The following ZFHX3 variants were observed in gnomAD, a reference collection of about 807,000 sequenced individuals.
The protein encoded by ZFHX3 is zinc finger homeobox 3.
ZFHX3 carries 42 observed loss-of-function variants against 279.1 expected under a neutral mutation model. The observed-to-expected ratio is 0.15, with a 90% CI of 0.12 to 0.19. ZFHX3 has a LOEUF of 0.19. ZFHX3 is among the 10% of genes least tolerant of loss of function. The pLI, the probability that ZFHX3 is intolerant of heterozygous loss-of-function variation, is 1.00. For missense variants in ZFHX3, 4,981 were observed against 4,754.0 expected (o/e 1.05, Z -1.40); for synonymous variants, 2,293 against 1,957.8 (o/e 1.17, Z -4.52).
chr16:73,792,970 T>C (rs1959878828), intron 1 of ZFHX3, among the ~76,000 whole-genome samples: 1 of 150,854 alleles, frequency 6.6e-6, no homozygotes, highest in Non-Finnish European at 1.5e-5. Context: ...ATTCCCAGAA[T>C]GTTCGCTTCT....
intron 2 of ZFHX3, among the ~76,000 whole-genome samples, chr16:73,651,577 C>G (rs1047469144): frequency 3.3e-5 from 5 of 150,734 alleles, no homozygotes; most frequent in African/African-American, 1.2e-4. Context: ...GTGGCTCACG[C>G]CTGTAATCCA....
At chr16:72,847,772 G>C (rs2053766880) in intron 4 of ZFHX3, among the ~76,000 whole-genome samples, 1 of 152,058 alleles carries the variant, frequency 6.6e-6, no homozygotes, top group Admixed American at 6.5e-5. Flanking sequence ...TAAGCGATGG[G>C]CGAAGACATA....
At chr16:73,126,683 A>T (rs143937048) in intron 7 of ZFHX3, 13 of 152,294 alleles carry the variant, frequency 8.5e-5, no homozygotes, top group African/African-American at 3.1e-4. Context: ...CTCCTGGTAA[A>T]TTTCACTTGT....
intron 3 of ZFHX3, among the ~76,000 whole-genome samples, chr16:73,366,588 CAAA>C (rs61090242): frequency 0.12 from 15,123 of 121,786 alleles, 2,596 homozygotes; most frequent in African/African-American, 0.39. Context: ...AAACCAAAAC[CAAA>C]AAAAAAAAAA....
intron 1 of ZFHX3, among the ~76,000 whole-genome samples, chr16:73,018,126 C>T (rs1964169615): frequency 6.6e-6 from 1 of 151,882 alleles, no homozygotes; most frequent in African/African-American, 2.4e-5. Context: ...GCTGGGACTA[C>T]AGGCATGCGC....
intron 1 of ZFHX3, among the ~76,000 whole-genome samples, chr16:72,993,022 A>C (rs1325615417): frequency 6.6e-6 from 1 of 152,240 alleles, no homozygotes; most frequent in Non-Finnish European, 1.5e-5. Flanking sequence ...CTGTAATCCC[A>C]GCTACTCCCA....
chr16:73,808,914 A>T (rs924760143), intron 1 of ZFHX3, among the ~76,000 whole-genome samples: 3 of 152,246 alleles, frequency 2.0e-5, no homozygotes, highest in Non-Finnish European at 4.4e-5. Context: ...CCAGAAGTTT[A>T]AGAGTCACAG....
chr16:73,288,643 G>A (rs1322473761), intron 4 of ZFHX3, among the ~76,000 whole-genome samples: 1 of 151,936 alleles, frequency 6.6e-6, no homozygotes, highest in African/African-American at 2.4e-5. Context: ...CCTATTTGTC[G>A]CCCCCAAACT....
chr16:73,633,143 CA>C (rs2052493464), intron 2 of ZFHX3, among the ~76,000 whole-genome samples: 1 of 152,198 alleles, frequency 6.6e-6, no homozygotes, highest in Non-Finnish European at 1.5e-5. Flanking sequence ...TTTCAAACAT[CA>C]TCTTAAAATT....
chr16:73,696,679 G>C (rs915780272), intron 1 of ZFHX3, among the ~76,000 whole-genome samples: 8 of 152,320 alleles, frequency 5.3e-5, no homozygotes, highest in African/African-American at 1.9e-4. Flanking sequence ...GTCAAAGCCA[G>C]CAGATTTGTG....
At chr16:73,330,065 C>G (rs1014923725) in intron 3 of ZFHX3, among the ~76,000 whole-genome samples, 7 of 152,104 alleles carry the variant, frequency 4.6e-5, no homozygotes, top group Non-Finnish European at 8.8e-5. Context: ...ACAATGCAGA[C>G]CTTTGACAAG....
At chr16:72,983,196 T>A (rs965107327) in intron 1 of ZFHX3, among the ~76,000 whole-genome samples, 2 of 152,216 alleles carry the variant, frequency 1.3e-5, no homozygotes, top group African/African-American at 4.8e-5. Flanking sequence ...ATGAGGCAAC[T>A]TAATAACCAC....
At chr16:72,978,361 C>G (rs563222963) in intron 1 of ZFHX3, among the ~76,000 whole-genome samples, 6 of 152,292 alleles carry the variant, frequency 3.9e-5, no homozygotes, top group African/African-American at 1.4e-4. Flanking sequence ...AGCAGGCATA[C>G]GTGGAGCCTC....
At chr16:73,460,185 T>C (rs188520761) in intron 2 of ZFHX3, among the ~76,000 whole-genome samples, 1 of 152,192 alleles carries the variant, frequency 6.6e-6, no homozygotes, top group East Asian at 1.9e-4. Context: ...ATTTTGTCAA[T>C]TCAAGAATGT....
chr16:73,292,691 C>T (rs35167917), intron 4 of ZFHX3, among the ~76,000 whole-genome samples: 7,107 of 151,194 alleles, frequency 0.047, 267 homozygotes, highest in African/African-American at 0.11. Context: ...GTGTGTGTGG[C>T]GGGAGCGGGC....
Position 73,716,556 on chromosome 16 carries a change from G to A in ZFHX3, c.-1607-36316C>T, listed in dbSNP as rs1354391753. Among the ~76,000 whole-genome samples the A allele has an allele frequency of 2.0e-5, 3 of 151,838 alleles. No homozygotes were observed. In the East Asian group the frequency reaches 5.8e-4, roughly 29 times the overall value. On this transcript the variant is annotated intron_variant, in intron 1 of 17. Transcript: ENST00000641206. ...GACAGATGGAAGGATGCACCTAAGA[G>A]AACAATTAAAATTTTATGATGAGTA...
At chr16:73,495,937 T>A (rs2019133260) in intron 2 of ZFHX3, among the ~76,000 whole-genome samples, 1 of 152,238 alleles carries the variant, frequency 6.6e-6, no homozygotes, top group Non-Finnish European at 1.5e-5. Context: ...GTGGGTTACA[T>A]CACTTTTCAT....
intron 1 of ZFHX3, among the ~76,000 whole-genome samples, chr16:73,880,108 C>A (rs1463333912): frequency 6.6e-6 from 1 of 152,100 alleles, no homozygotes; most frequent in Non-Finnish European, 1.5e-5. Flanking sequence ...GGCTGATGAG[C>A]ATTCCTGACC....
chr16:73,408,870 G>C (rs1257045233), intron 3 of ZFHX3, among the ~76,000 whole-genome samples: 2 of 152,006 alleles, frequency 1.3e-5, no homozygotes, highest in African/African-American at 4.8e-5. Context: ...CGAGGCAACC[G>C]AAGTTGTCCT....
Sources: allele counts gnomAD v4.1 joint callset (sites outside exome capture counted in the v4.1 genomes callset), GRCh38; gene constraint gnomAD v4.1.1; transcripts MANE v1.5; gene names NCBI Gene and HGNC (gene_info 2026-07-23, HGNC 2026-07-21).